GABBR2: variants seen among roughly 807,000 people sequenced by gnomAD.
The protein encoded by GABBR2 is G-protein coupled receptor 51.
GABBR2 carries 23 observed loss-of-function variants against 105.6 expected under a neutral mutation model. That is an observed-to-expected ratio of 0.22 (90% CI 0.16 to 0.31). GABBR2 has a LOEUF of 0.31. GABBR2 is among the 10% of genes least tolerant of loss of function. GABBR2 has a pLI of 1.00. For synonymous variants in GABBR2, 478 were observed against 499.7 expected (o/e 0.96, Z 0.58); for missense variants, 734 against 1,245.5 (o/e 0.59, Z 6.18).
chr9:98,595,264 C>G (rs1829216657), intron 1 of GABBR2, among the ~76,000 whole-genome samples: 1 of 151,962 alleles, frequency 6.6e-6, no homozygotes, highest in African/African-American at 2.4e-5. Context: ...TTTTATAAGG[C>G]AGAATCCATT....
At chr9:98,595,101 A>T (rs1408810972) in intron 1 of GABBR2, among the ~76,000 whole-genome samples, 1 of 152,046 alleles carries the variant, frequency 6.6e-6, no homozygotes, top group Non-Finnish European at 1.5e-5. Context: ...AACAACAGAA[A>T]CTTATTTCCC....
At chr9:98,502,227 G>A (rs780224741) in intron 3 of GABBR2, among the ~76,000 whole-genome samples, 27 of 152,116 alleles carry the variant, frequency 1.8e-4, no homozygotes, top group Non-Finnish European at 2.5e-4. Flanking sequence ...CGGATGACTC[G>A]GAAGAATCTT....
intron 13 of GABBR2, among the ~76,000 whole-genome samples, chr9:98,324,039 A>G (rs1024060922): frequency 2.0e-5 from 3 of 152,196 alleles, no homozygotes; most frequent in African/African-American, 7.2e-5. Context: ...CATTTTGCGC[A>G]GGAGAATACT....
At chr9:98,485,372 T>C (rs957167811) in intron 4 of GABBR2, among the ~76,000 whole-genome samples, 1 of 152,126 alleles carries the variant, frequency 6.6e-6, no homozygotes, top group Non-Finnish European at 1.5e-5. Context: ...AAACTCCCTC[T>C]GGAGAGGAGT....
intron 12 of GABBR2, among the ~76,000 whole-genome samples, chr9:98,365,746 C>T (rs1350660262): frequency 3.9e-5 from 6 of 151,988 alleles, no homozygotes; most frequent in Admixed American, 2.0e-4. Context: ...TACAAGTACA[C>T]CCGTGGGAAT....
chr9:98,429,991 A>AAAAT (rs1198235456), intron 7 of GABBR2, among the ~76,000 whole-genome samples: 3 of 152,120 alleles, frequency 2.0e-5, no homozygotes, highest in African/African-American at 7.2e-5. Flanking sequence ...TTAGCTTTTA[A>AAAAT]AAATACTCCT....
chr9:98,311,539 G>A (rs574018402), intron 13 of GABBR2, among the ~76,000 whole-genome samples: 20 of 152,306 alleles, frequency 1.3e-4, no homozygotes, highest in African/African-American at 3.8e-4. Context: ...TGCAGGTACC[G>A]CTAATATTTG....
chr9:98,562,776 T>C (rs1166052460), intron 2 of GABBR2, among the ~76,000 whole-genome samples: 2 of 152,022 alleles, frequency 1.3e-5, no homozygotes, highest in African/African-American at 4.8e-5. Flanking sequence ...GAAACATAAA[T>C]AGAGCAGCAA....
chr9:98,400,410 G>A (rs561784370), intron 8 of GABBR2, among the ~76,000 whole-genome samples: 1 of 152,252 alleles, frequency 6.6e-6, no homozygotes, highest in Admixed American at 6.5e-5. Context: ...AGGGACACAG[G>A]AATCCTCTGC....
intron 2 of GABBR2, among the ~76,000 whole-genome samples, chr9:98,560,680 C>T (rs1371856827): frequency 6.6e-6 from 1 of 150,580 alleles, no homozygotes; most frequent in African/African-American, 2.4e-5. Flanking sequence ...ATGAGGAATA[C>T]TTTCACTTAG....
chr9:98,296,151 G>A (rs1188247947), intron 17 of GABBR2, among the ~76,000 whole-genome samples: 1 of 152,200 alleles, frequency 6.6e-6, no homozygotes, highest in Non-Finnish European at 1.5e-5. Context: ...TCGTGAAGGC[G>A]GAGCCCGCAT....
intron 4 of GABBR2, among the ~76,000 whole-genome samples, chr9:98,486,937 C>T (rs138072518): frequency 1.3e-5 from 2 of 152,234 alleles, no homozygotes; most frequent in African/African-American, 2.4e-5. Flanking sequence ...CCCCACCCCC[C>T]ACTGGAAATG....
At chr9:98,403,350 G>C (rs1199988436) in intron 8 of GABBR2, among the ~76,000 whole-genome samples, 1 of 149,810 alleles carries the variant, frequency 6.7e-6, no homozygotes, top group African/African-American at 2.5e-5. Flanking sequence ...CTTTATTGAA[G>C]GCCCAGCTGT....
rs566510737 is a variant in GABBR2 at position 98,567,047 on chromosome 9, CTG to C, written c.459+10886_459+10887del. Among the ~76,000 whole-genome samples the C allele has an allele frequency of 9.1e-3, 1,385 of 152,300 alleles. 8 individuals carry two copies. The highest frequency in any genetic ancestry group is 0.016 in the Non-Finnish European group (1,058 of 68,022). ...GCAATCTGTAATTCCAGACTCAACT[CTG>C]TGTAATCTACAATTGTGCCGATCAC... On this transcript the variant is annotated intron_variant, in intron 2 of 18. Transcript: ENST00000259455.
intron 12 of GABBR2, among the ~76,000 whole-genome samples, chr9:98,366,986 C>T (rs537190617): frequency 5.0e-4 from 76 of 152,146 alleles, no homozygotes; most frequent in Middle Eastern, 3.4e-3. Context: ...AATAAAACTC[C>T]TCAATTTAAA....
At chr9:98,666,498 C>T (rs1830336409) in intron 1 of GABBR2, among the ~76,000 whole-genome samples, 1 of 152,180 alleles carries the variant, frequency 6.6e-6, no homozygotes, top group Admixed American at 6.5e-5. Flanking sequence ...CACAAATTGC[C>T]TGTGGGTACT....
intron 13 of GABBR2, among the ~76,000 whole-genome samples, chr9:98,316,622 C>T (rs563173300): frequency 1.3e-5 from 2 of 152,194 alleles, no homozygotes; most frequent in Admixed American, 6.5e-5. Context: ...TCATGGCTCT[C>T]CCATTCCAGT....
At chr9:98,328,585 G>A (rs987244841) in intron 13 of GABBR2, among the ~76,000 whole-genome samples, 5 of 152,196 alleles carry the variant, frequency 3.3e-5, no homozygotes, top group Admixed American at 2.0e-4. Flanking sequence ...CACAGGAAGT[G>A]CAAAAGCTGC....
rs370880704 is a variant in GABBR2 at position 98,422,496 on chromosome 9, C to CTG, written c.1237-16357_1237-16356dup. ...ACATTTAGAAGGCTGCTTAATGCAC[C>CTG]TGTGTGTGTGTGTGTGTGTGTGTGT... On this transcript the variant is annotated intron_variant, in intron 7 of 18. Transcript: ENST00000259455. Among the ~76,000 whole-genome samples, 643 of 146,440 alleles carry CTG rather than the reference C, an allele frequency of 4.4e-3. 11 individuals carry two copies. Among genetic ancestry groups the CTG allele is most frequent in the East Asian group, 0.023 (113 of 4,818 alleles).
Sources: gnomAD v4.1 joint callset for allele counts (sites outside exome capture counted in the v4.1 genomes callset) on GRCh38, gnomAD v4.1.1 for gene constraint, MANE v1.5 for transcripts, NCBI Gene and HGNC (gene_info 2026-07-23, HGNC 2026-07-21) for gene names.